BMPER: variants seen among roughly 807,000 people sequenced by gnomAD.
BMPER encodes BMP binding endothelial regulator, also known as BMP-binding endothelial regulator protein.
A neutral mutation model predicts 87.3 loss-of-function variants in BMPER; 45 were observed. The ratio of observed to expected loss-of-function variants is 0.52; its 90% CI spans 0.41 to 0.66. The LOEUF (loss-of-function observed/expected upper bound fraction) is 0.66, where lower values mean the gene tolerates loss of function less well. BMPER is among the 30% of genes least tolerant of loss of function. The probability of loss-of-function intolerance (pLI) is 0.00; values close to 1 mark genes in which losing one functional copy is unlikely to be tolerated. For synonymous variants in BMPER, 326 were observed against 316.2 expected (o/e 1.03, Z -0.33); for missense variants, 784 against 867.5 (o/e 0.90, Z 1.21).
chr7:34,078,185 T>C (rs1374974430), intron 11 of BMPER, among the ~76,000 whole-genome samples: 3 of 152,234 alleles, frequency 2.0e-5, no homozygotes, highest in Non-Finnish European at 4.4e-5. Flanking sequence ...TACTAAATTA[T>C]ATTTCGTAAC....
chr7:34,070,892 C>T (rs1484506816), intron 11 of BMPER, among the ~76,000 whole-genome samples: 3 of 146,094 alleles, frequency 2.1e-5, no homozygotes, highest in Non-Finnish European at 4.5e-5. Context: ...ACAGGAAACA[C>T]ATCAAGAAAT....
intron 6 of BMPER, among the ~76,000 whole-genome samples, chr7:34,017,498 G>A (rs533511823): frequency 6.6e-6 from 1 of 151,854 alleles, no homozygotes; most frequent in East Asian, 2.0e-4. Flanking sequence ...GCATGGAAAC[G>A]ACCCACCCTC....
chr7:34,070,618 A>G (rs1415724576), intron 11 of BMPER, among the ~76,000 whole-genome samples: 4 of 152,028 alleles, frequency 2.6e-5, no homozygotes, highest in Non-Finnish European at 4.4e-5. Context: ...GTTTTATAAA[A>G]CACTAGTGCT....
Position 33,905,658 on chromosome 7 carries a change from C to T in BMPER, c.45C>T (p.Cys15=), listed in dbSNP as rs1198139875. 2 of 1,613,366 alleles carry T rather than the reference C, an allele frequency of 1.2e-6. No homozygotes were observed. The highest frequency in any genetic ancestry group is 1.1e-5 in the South Asian group (1 of 91,068). The change falls in exon 1 of 15, where the codon TGC becomes TGT. Residue 15 remains cysteine (C), a synonymous_variant. Transcript: ENST00000649409. ...TCGGGGCTCTGGCTGAGCGTTACTG[C>T]CGCCGCTCGCCTGGGATTACGTGCT... ...SGVGALAERY[C]RRSPGITCCV... is the part of the protein sequence containing the mutation.
At position 33,994,724 on chromosome 7, in the gene BMPER, G is replaced by A. The variant is rs1288620178; in HGVS notation, c.576+19940G>A. On this transcript the variant is annotated intron_variant, in intron 6 of 14. Transcript: ENST00000649409. Reference sequence around the variant, plus strand: ...GATGATGGATTCTATGTGCCATGGGGGGATTGTTGTGAACAAAAGGCCATT... The same window carrying A: ...GATGATGGATTCTATGTGCCATGGGAGGATTGTTGTGAACAAAAGGCCATT... Among the ~76,000 whole-genome samples, 6 of 152,274 alleles carry A rather than the reference G, an allele frequency of 3.9e-5. 1 individual carries two copies. The South Asian group carries it at 1.0e-3, about 26-fold the overall frequency.
At chr7:33,974,989 G>C (rs1482946581) in intron 6 of BMPER, among the ~76,000 whole-genome samples, 1 of 152,126 alleles carries the variant, frequency 6.6e-6, no homozygotes, top group East Asian at 1.9e-4. Context: ...TTCTTCATGG[G>C]CCTGTCCTGT....
chr7:33,912,388 A>G (rs1485700961), intron 2 of BMPER, among the ~76,000 whole-genome samples: 1 of 152,068 alleles, frequency 6.6e-6, no homozygotes, highest in African/African-American at 2.4e-5. Context: ...TACTTACTCA[A>G]TGCTCCCCTT....
Position 34,153,714 on chromosome 7 carries a change from A to G in BMPER, c.*441A>G. 5.1e-6 allele frequency: 1 copy of G among 196,566 alleles called. No homozygotes were observed. The highest frequency in any genetic ancestry group is 1.1e-5 in the Non-Finnish European group (1 of 94,200). The allele number at this position is 196,566 out of a possible 1,614,324, so 12.2% of individuals were successfully genotyped here. A position where few individuals can be genotyped will look rare whatever the true frequency, so the allele number is the denominator to read the frequency against. ...AGTGGGAAATGTGTTTCTCTGGAGA[A>G]GGGCACATTTATCTAGGGGCATTTC... On this transcript the variant is annotated 3_prime_UTR_variant, in exon 15 of 15. Coordinates refer to ENST00000649409, the MANE Select transcript of BMPER (RefSeq NM_001365308.1).
At chr7:34,080,530 G>T (rs921928090) in intron 12 of BMPER, among the ~76,000 whole-genome samples, 1 of 152,140 alleles carries the variant, frequency 6.6e-6, no homozygotes, top group Non-Finnish European at 1.5e-5. Context: ...AGTTTAGCGG[G>T]ATTAGTCCTG....
At chr7:34,006,363 C>T (rs1225349892) in intron 6 of BMPER, among the ~76,000 whole-genome samples, 1 of 151,980 alleles carries the variant, frequency 6.6e-6, no homozygotes, top group Non-Finnish European at 1.5e-5. Flanking sequence ...CTAGGTTTTA[C>T]TGTGTATTAG....
At chr7:34,084,342 C>T (rs1167505380) in intron 12 of BMPER, among the ~76,000 whole-genome samples, 1 of 152,148 alleles carries the variant, frequency 6.6e-6, no homozygotes, top group African/African-American at 2.4e-5. Flanking sequence ...GGTAAGTGGG[C>T]AGAGACCATT....
intron 12 of BMPER, among the ~76,000 whole-genome samples, chr7:34,083,005 A>G (rs558334763): frequency 6.6e-6 from 1 of 152,318 alleles, no homozygotes; most frequent in Non-Finnish European, 1.5e-5. Flanking sequence ...AGTTTCTTCA[A>G]TACCTGACAG....
At chr7:33,986,853 A>T (rs180744772) in intron 6 of BMPER, among the ~76,000 whole-genome samples, 1 of 152,214 alleles carries the variant, frequency 6.6e-6, no homozygotes, top group Non-Finnish European at 1.5e-5. Context: ...TTTGTCCATT[A>T]TTAGCCAGAT....
chr7:34,014,597 C>T (rs935984020), intron 6 of BMPER, among the ~76,000 whole-genome samples: 8 of 151,772 alleles, frequency 5.3e-5, no homozygotes, highest in African/African-American at 1.5e-4. Flanking sequence ...TGGCCAGGAC[C>T]GTGGAGTGTG....
chr7:34,057,569 A>G (rs1283868927), intron 9 of BMPER, among the ~76,000 whole-genome samples: 1 of 152,176 alleles, frequency 6.6e-6, no homozygotes, highest in East Asian at 1.9e-4. Flanking sequence ...CCTGTCTTCT[A>G]TGCATGTCCT....
chr7:34,084,783 A>C (rs1021459255), intron 12 of BMPER, among the ~76,000 whole-genome samples: 1 of 152,230 alleles, frequency 6.6e-6, no homozygotes, highest in Non-Finnish European at 1.5e-5. Flanking sequence ...CCTGTGACAT[A>C]AAAATTCCAC....
At chr7:34,128,854 A>T (rs530009795) in intron 13 of BMPER, among the ~76,000 whole-genome samples, 1 of 152,218 alleles carries the variant, frequency 6.6e-6, no homozygotes, top group African/African-American at 2.4e-5. Context: ...TATCACAGAC[A>T]TGATGCAGAT....
rs370706720 is a variant in BMPER, at chr7:33,980,593, GTTC to G, written c.576+5812_576+5814del. On this transcript the variant is annotated intron_variant, in intron 6 of 14. Coordinates refer to ENST00000649409, the MANE Select transcript of BMPER (RefSeq NM_001365308.1). ...CAAGGTGCCAATCAGAGATGTTTGT[GTTC>G]TTTTTACCAAACTATTTTAAGAACC... 1.8e-3 allele frequency among the ~76,000 whole-genome samples: 276 copies of G among 152,278 alleles called. 1 individual carries two copies. The highest frequency in any genetic ancestry group is 3.3e-3 in the South Asian group (16 of 4,828).
intron 2 of BMPER, among the ~76,000 whole-genome samples, chr7:33,914,972 C>T (rs191542085): frequency 2.3e-3 from 351 of 152,264 alleles, no homozygotes; most frequent in African/African-American, 7.9e-3. Flanking sequence ...GTCCCTTCCC[C>T]CCAGACCCTG....
Sources: allele counts gnomAD v4.1 joint callset (sites outside exome capture counted in the v4.1 genomes callset), GRCh38; gene constraint gnomAD v4.1.1; transcripts MANE v1.5; gene names NCBI Gene and HGNC (gene_info 2026-07-23, HGNC 2026-07-21).